Variants in BACH2 observed in about 807,000 individuals in gnomAD.
BACH2 encodes the protein BACH transcriptional regulator 2, also known as transcription regulator protein BACH2.
A neutral mutation model predicts 61.8 loss-of-function variants in BACH2; 5 were observed. The ratio of observed to expected loss-of-function variants is 0.08; its 90% CI spans 0.04 to 0.17. The LOEUF is 0.17. Among genes scored for constraint, BACH2 ranks in the 10% least tolerant of loss-of-function variants. BACH2 has a pLI of 1.00. For missense variants in BACH2, 824 were observed against 1,091.1 expected (o/e 0.76, Z 3.45); for synonymous variants, 446 against 440.1 (o/e 1.01, Z -0.17).
intron 4 of BACH2, among the ~76,000 whole-genome samples, chr6:90,099,611 GA>G (rs1782530059): frequency 6.6e-6 from 1 of 152,150 alleles, no homozygotes; most frequent in Admixed American, 6.5e-5. Flanking sequence ...CTGAAACACA[GA>G]AGGTATCTAG....
intron 4 of BACH2, among the ~76,000 whole-genome samples, chr6:90,168,862 C>T (rs1562484803): frequency 6.6e-6 from 1 of 152,300 alleles, no homozygotes; most frequent in East Asian, 1.9e-4. Flanking sequence ...CTGTTCCACG[C>T]TGGTTTTCAT....
At chr6:90,007,574 G>C (rs1777477560) in intron 6 of BACH2, among the ~76,000 whole-genome samples, 1 of 152,022 alleles carries the variant, frequency 6.6e-6, no homozygotes, top group African/African-American at 2.4e-5. Context: ...TTATTTGCCA[G>C]GCCCCTGAAG....
At chr6:90,129,116 C>T (rs1783991306) in intron 4 of BACH2, among the ~76,000 whole-genome samples, 1 of 151,976 alleles carries the variant, frequency 6.6e-6, no homozygotes, top group South Asian at 2.1e-4. Context: ...ATACCTAATG[C>T]TAAATGACGA....
At chr6:90,052,546 A>G (rs1780100537) in intron 5 of BACH2, among the ~76,000 whole-genome samples, 1 of 152,106 alleles carries the variant, frequency 6.6e-6, no homozygotes, top group Admixed American at 6.5e-5. Context: ...CAGCCTCCCG[A>G]GCAGTTGGGA....
intron 6 of BACH2, among the ~76,000 whole-genome samples, chr6:90,004,968 G>T (rs1341545746): frequency 6.6e-6 from 1 of 152,130 alleles, no homozygotes. Context: ...CCTAGGGATT[G>T]CCATTTGTTT....
At chr6:90,188,760 G>GAAAAAAAA (rs57618295) in intron 4 of BACH2, among the ~76,000 whole-genome samples, 21 of 78,692 alleles carry the variant, frequency 2.7e-4, no homozygotes, top group Middle Eastern at 7.5e-3. Flanking sequence ...GCCCCAAAAT[G>GAAAAAAAA]AAAAAAAAAA....
chr6:89,975,796 G>C (rs977996315), intron 6 of BACH2, among the ~76,000 whole-genome samples: 1 of 152,194 alleles, frequency 6.6e-6, no homozygotes, highest in African/African-American at 2.4e-5. Context: ...TCTCGTTTTG[G>C]ATCTGGTGGC....
At chr6:90,022,190 T>C (rs1176648307) in intron 5 of BACH2, among the ~76,000 whole-genome samples, 1 of 152,236 alleles carries the variant, frequency 6.6e-6, no homozygotes, top group Non-Finnish European at 1.5e-5. Flanking sequence ...TTGCTGCTTG[T>C]TTATTCTTTC....
chr6:90,200,285 A>G (rs1174065973), intron 4 of BACH2, among the ~76,000 whole-genome samples: 1 of 152,200 alleles, frequency 6.6e-6, no homozygotes, highest in African/African-American at 2.4e-5. Flanking sequence ...TAGTTTGGGA[A>G]CCACTGGTCT....
intron 4 of BACH2, among the ~76,000 whole-genome samples, chr6:90,180,963 T>C (rs899958012): frequency 6.6e-5 from 10 of 152,174 alleles, no homozygotes; most frequent in East Asian, 3.9e-4. Flanking sequence ...CAATTGTGAA[T>C]TGTGCTGCAA....
At position 90,110,285 on chromosome 6, in the gene BACH2, T is replaced by C. The variant is rs189014848; in HGVS notation, c.-161-21176A>G. On this transcript the variant is annotated intron_variant, in intron 4 of 8. Coordinates refer to ENST00000257749, the MANE Select transcript of BACH2 (RefSeq NM_021813.4). ...CAAGTGGTAGCTTTTAAATGTGGAG[T>C]CTGAAATGTGGTACCTGAAAATCTG... 5.6e-3 allele frequency among the ~76,000 whole-genome samples: 848 copies of C among 152,302 alleles called. 5 individuals are homozygous for C. The highest frequency in any genetic ancestry group is 0.019 in the African/African-American group (803 of 41,554).
chr6:90,204,151 C>A (rs1282395668), intron 4 of BACH2, among the ~76,000 whole-genome samples: 1 of 152,148 alleles, frequency 6.6e-6, no homozygotes, highest in Non-Finnish European at 1.5e-5. Flanking sequence ...TCCATCCGAA[C>A]ACCTCCCTAA....
chr6:90,265,612 C>G (rs1330212538), intron 2 of BACH2, among the ~76,000 whole-genome samples: 1 of 152,144 alleles, frequency 6.6e-6, no homozygotes, highest in Non-Finnish European at 1.5e-5. Context: ...CAGGTGAAAT[C>G]TTTACCACTT....
At chr6:90,131,885 T>C (rs1027883783) in intron 4 of BACH2, among the ~76,000 whole-genome samples, 7 of 152,212 alleles carry the variant, frequency 4.6e-5, no homozygotes, top group Admixed American at 1.3e-4. Flanking sequence ...ACCATTGTTA[T>C]GCCAGCCAAT....
intron 3 of BACH2, among the ~76,000 whole-genome samples, chr6:90,226,635 T>C (rs1259907313): frequency 2.0e-5 from 3 of 152,152 alleles, no homozygotes; most frequent in Admixed American, 2.0e-4. Flanking sequence ...TAAGTCTATA[T>C]AAATGCAATG....
intron 7 of BACH2, among the ~76,000 whole-genome samples, chr6:89,941,446 G>A (rs1773422708): frequency 6.6e-6 from 1 of 152,168 alleles, no homozygotes; most frequent in South Asian, 2.1e-4. Flanking sequence ...AAGCAAAATC[G>A]CAGTAGGGCC....
chr6:90,067,961 T>C (rs1450789796), intron 5 of BACH2, among the ~76,000 whole-genome samples: 1 of 152,114 alleles, frequency 6.6e-6, no homozygotes, highest in Non-Finnish European at 1.5e-5. Context: ...AAGCACCCAT[T>C]CCATGTTGGG....
intron 1 of BACH2, among the ~76,000 whole-genome samples, chr6:90,278,521 C>A (rs773419373): frequency 6.6e-6 from 1 of 152,242 alleles, no homozygotes; most frequent in African/African-American, 2.4e-5. Flanking sequence ...CATGATTTAA[C>A]AACTCATGTG....
At chr6:90,046,685 G>C (rs1295636038) in intron 5 of BACH2, among the ~76,000 whole-genome samples, 1 of 152,208 alleles carries the variant, frequency 6.6e-6, no homozygotes, top group Non-Finnish European at 1.5e-5. Context: ...ACACTGGAGA[G>C]TTGATTCCAT....
Sources: allele counts gnomAD v4.1 joint callset (sites outside exome capture counted in the v4.1 genomes callset), GRCh38; gene constraint gnomAD v4.1.1; transcripts MANE v1.5; gene names NCBI Gene and HGNC (gene_info 2026-07-23, HGNC 2026-07-21).